Variants in CCL2 observed in about 807,000 individuals in gnomAD.
CCL2 encodes the protein C-C motif chemokine 2.
CCL2 carries 2 observed loss-of-function variants against 6.7 expected under a neutral mutation model. The ratio of observed to expected loss-of-function variants is 0.30; its 90% CI spans 0.12 to 0.94. CCL2 has a LOEUF of 0.94. CCL2 is among the 40% of genes least tolerant of loss of function. The probability of loss-of-function intolerance (pLI) is 0.54; values close to 1 mark genes in which losing one functional copy is unlikely to be tolerated. For missense variants in CCL2, 89 were observed against 119.3 expected (o/e 0.75, Z 1.18); for synonymous variants, 43 against 45.2 (o/e 0.95, Z 0.19).
At chr17:34,256,597 G>T in intron 2 of CCL2, 125 bp from the exon 3 acceptor site, 1 of 671,648 alleles carries the variant, frequency 1.5e-6, no homozygotes, top group East Asian at 2.7e-5. Context: ...GTTTGCCCTG[G>T]GTTCCCTCCT....
chr17:34,255,373 G>A lies in CCL2; in HGVS notation c.24G>A (p.Leu8=), dbSNP rs755360396. The A allele has an allele frequency of 6.2e-6, 10 of 1,613,926 alleles. 1 individual carries two copies. Among genetic ancestry groups the A allele is most frequent in the Non-Finnish European group, 8.5e-6 (10 of 1,179,942 alleles). Residue 8 remains leucine, a synonymous_variant, in exon 1 of 3, where the codon CTG becomes CTA. Transcript: ENST00000225831. The part of the protein sequence containing the change: MKVSAAL[L]CLLLIAATFI... The stretch of plus-strand genomic sequence containing the variant: ...GCATGAAAGTCTCTGCCGCCCTTCT[G>A]TGCCTGCTGCTCATAGCAGCCACCT...
At chr17:34,256,476 C>T in intron 2 of CCL2, 137 bp downstream of exon 2, 1 of 680,892 alleles carries the variant, frequency 1.5e-6, no homozygotes, top group South Asian at 1.9e-5. Context: ...ACTGAGGCAC[C>T]AAGGGAAAAA....
chr17:34,256,384 G>GC, intron 2 of CCL2, 45 bp downstream of exon 2: 4 of 1,258,360 alleles, frequency 3.2e-6, no homozygotes, highest in Non-Finnish European at 4.7e-6. Flanking sequence ...GTTCTTCCTT[G>GC]TGGAGCAAGG....
At chr17:34,256,415 A>G in intron 2 of CCL2, 76 bp downstream of exon 2, 3 of 960,360 alleles carry the variant, frequency 3.1e-6, no homozygotes, top group Non-Finnish European at 5.0e-6. Context: ...ATAAACCTAG[A>G]GTCAGAGAGT....
In CCL2 at chr17:34,256,999, G is replaced by A. The variant is rs186178409; in HGVS notation, c.*172G>A. 1 of 491,870 alleles carries A rather than the reference G, an allele frequency of 2.0e-6. No homozygotes were observed. Among genetic ancestry groups the A allele is most frequent in the East Asian group, 3.2e-5 (1 of 31,252 alleles). 30.5% of individuals were successfully genotyped at this position (491,870 alleles called of 1,614,324 possible). A position where few individuals can be genotyped will look rare whatever the true frequency, so the allele number is the denominator to read the frequency against. On this transcript the variant is annotated 3_prime_UTR_variant, in exon 3 of 3. Transcript: ENST00000225831. ...TGATGTTTTAAGTTTATCTTTCATG[G>A]TACTAGTGTTTTTTAGATACAGAGA...
intron 1 of CCL2, 139 bp downstream of exon 1, chr17:34,255,564 G>C: frequency 1.4e-6 from 1 of 690,304 alleles, no homozygotes; most frequent in Non-Finnish European, 2.4e-6. Flanking sequence ...AGGACAAGGG[G>C]TGAGCCCAAC....
rs1030893523 is a variant in CCL2, at chr17:34,256,887, A to C, written c.*60A>C. On this transcript the variant is annotated 3_prime_UTR_variant, in exon 3 of 3. Coordinates refer to ENST00000225831, the MANE Select transcript of CCL2 (RefSeq NM_002982.4). ...CTTATTTTCCCCTAGCTTTCCCCAG[A>C]CACCCTGTTTTATTTTATTATAATG... 9.6e-7 allele frequency: 1 copy of C among 1,041,684 alleles called. No individual in the cohort carries two copies. The highest frequency in any genetic ancestry group is 1.5e-6 in the Non-Finnish European group (1 of 675,444). The allele number at this position is 1,041,684 out of a possible 1,614,324, so 64.5% of individuals were successfully genotyped here.
intron 1 of CCL2, 50 bp from the exon 2 acceptor site, chr17:34,256,171 GA>G (rs746327384): frequency 7.9e-7 from 1 of 1,259,592 alleles, no homozygotes; most frequent in East Asian, 2.3e-5. Context: ...CTTAAGATCA[GA>G]ATAATCCAGT....
At chr17:34,256,463 A>G in intron 2 of CCL2, 124 bp downstream of exon 2, 1 of 718,304 alleles carries the variant, frequency 1.4e-6, no homozygotes, top group Middle Eastern at 3.2e-4. Flanking sequence ...TCCCAATGGG[A>G]AAACTGAGGC....
intron 1 of CCL2, 165 bp downstream of exon 1, chr17:34,255,590 C>G (rs1472985456): frequency 1.7e-6 from 1 of 578,342 alleles, no homozygotes; most frequent in Non-Finnish European, 3.0e-6. Flanking sequence ...AGCTGCTGCT[C>G]GGCAGAGCCT....
chr17:34,255,952 A>G (rs1472304829), intron 1 of CCL2: 1 of 387,340 alleles, frequency 2.6e-6, no homozygotes, highest in Non-Finnish European at 4.7e-6. Flanking sequence ...CGTCTTAATG[A>G]CACTTGTAGG....
chr17:34,255,291 C>T lies in CCL2; in HGVS notation c.-59C>T. 6.7e-7 allele frequency: 1 copy of T among 1,490,382 alleles called. No homozygotes were observed. Among genetic ancestry groups the T allele is most frequent in the South Asian group, 1.1e-5 (1 of 87,194 alleles). 92.3% of individuals were successfully genotyped at this position (1,490,382 alleles called of 1,614,324 possible). On this transcript the variant is annotated 5_prime_UTR_variant, in exon 1 of 3. Coordinates refer to ENST00000225831, the MANE Select transcript of CCL2 (RefSeq NM_002982.4). Reference sequence around the variant, plus strand: ...GACAGCAGCCAGAGGAACCGAGAGGCTGAGACTAACCCAGAAACATCCAAT... The same window carrying T: ...GACAGCAGCCAGAGGAACCGAGAGGTTGAGACTAACCCAGAAACATCCAAT...
In CCL2 at chr17:34,256,738, G is replaced by A. The variant is rs190996557; in HGVS notation, c.211G>A (p.Ala71Thr). 1,084 of 1,612,468 alleles carry A rather than the reference G, an allele frequency of 6.7e-4. 1 individual carries two copies. Among genetic ancestry groups the A allele is most frequent in the Non-Finnish European group, 7.7e-4 (913 of 1,179,056 alleles). ...KEAVIFKTIV[A>T]KEICADPKQK... ...TCCCCACAGCTTCAAGACCATTGTG[G>A]CCAAGGAGATCTGTGCTGACCCCAA... The change falls in exon 3 of 3, where the codon GCC becomes ACC. Residue 71 changes from alanine (A) to threonine (T), a missense_variant. Coordinates refer to ENST00000225831, the MANE Select transcript of CCL2 (RefSeq NM_002982.4).
intron 1 of CCL2, chr17:34,255,707 G>A (rs1907665544): frequency 4.8e-6 from 2 of 418,378 alleles, no homozygotes; most frequent in Non-Finnish European, 8.6e-6. Context: ...GCAGAGTTTG[G>A]GGATCAGGGT....
rs766548953 is a variant in CCL2 at position 34,256,758 on chromosome 17, C to A, written c.231C>A (p.Asp77Glu). ...TTGTGGCCAAGGAGATCTGTGCTGA[C>A]CCCAAGCAGAAGTGGGTTCAGGATT... ...KTIVAKEICA[D>E]PKQKWVQDSM... The change falls in exon 3 of 3, where the codon GAC (aspartate) becomes GAA (glutamate). Residue 77 changes from aspartate to glutamate, a missense_variant. Transcript: ENST00000225831. 1.2e-6 allele frequency: 2 copies of A among 1,613,906 alleles called. No homozygotes were observed. The highest frequency in any genetic ancestry group is 1.7e-6 in the Non-Finnish European group (2 of 1,179,846).
chr17:34,255,509 A>G, intron 1 of CCL2, 84 bp downstream of exon 1: 1 of 1,237,154 alleles, frequency 8.1e-7, no homozygotes, highest in Non-Finnish European at 1.2e-6. Flanking sequence ...TGGTACCCAC[A>G]GTCTTGCTTT....
At position 34,255,294 on chromosome 17, in the gene CCL2, A is replaced by G; in HGVS notation, c.-56A>G. 1 of 1,514,176 alleles carries G rather than the reference A, an allele frequency of 6.6e-7. No homozygotes were observed. Among genetic ancestry groups the G allele is most frequent in the East Asian group, 2.3e-5 (1 of 44,120 alleles). 93.8% of individuals were successfully genotyped at this position (1,514,176 alleles called of 1,614,324 possible). On this transcript the variant is annotated 5_prime_UTR_variant, in exon 1 of 3. Transcript: ENST00000225831. ...AGCAGCCAGAGGAACCGAGAGGCTG[A>G]GACTAACCCAGAAACATCCAATTCT...
chr17:34,256,395 G>A (rs1289811778), intron 2 of CCL2, 56 bp downstream of exon 2: 6 of 1,158,952 alleles, frequency 5.2e-6, no homozygotes, highest in South Asian at 1.2e-5. Flanking sequence ...TGGAGCAAGG[G>A]ACAAGCCTCA....
chr17:34,256,112 T>C (rs1275122949), intron 1 of CCL2, 110 bp from the exon 2 acceptor site: 3 of 712,598 alleles, frequency 4.2e-6, no homozygotes, highest in African/African-American at 3.5e-5. Context: ...ATGAGCTCTT[T>C]GTCTTCTCCT....
Sources: gnomAD v4.1 joint callset for allele counts on GRCh38, gnomAD v4.1.1 for gene constraint, MANE v1.5 for transcripts, NCBI Gene and HGNC (gene_info 2026-07-23, HGNC 2026-07-21) for gene names.